The following SOX5 variants were observed in gnomAD, a reference collection of about 807,000 sequenced individuals.
SOX5 encodes SRY-box transcription factor 5.
In SOX5, 9 loss-of-function variants were observed where a neutral mutation model predicts 92.0. That is an observed-to-expected ratio of 0.10 (90% CI 0.06 to 0.17). The LOEUF (loss-of-function observed/expected upper bound fraction) is 0.17, where lower values mean the gene tolerates loss of function less well. SOX5 is among the 10% of genes least tolerant of loss of function. The probability of loss-of-function intolerance (pLI) is 1.00; values close to 1 mark genes in which losing one functional copy is unlikely to be tolerated. For synonymous variants in SOX5, 344 were observed against 336.3 expected (o/e 1.02, Z -0.25); for missense variants, 642 against 944.5 (o/e 0.68, Z 4.20).
At chr12:23,845,858 C>A (rs1230455372) in intron 3 of SOX5, 125 bp downstream of exon 3, 13 of 740,468 alleles carry the variant, frequency 1.8e-5, no homozygotes, top group Non-Finnish European at 3.0e-5. Context: ...GTCTTCATAG[C>A]AATAGGTTTC....
At chr12:23,687,135 A>G (rs1337798028) in intron 6 of SOX5, among the ~76,000 whole-genome samples, 1 of 152,098 alleles carries the variant, frequency 6.6e-6, no homozygotes, top group African/African-American at 2.4e-5. Context: ...TATTATAAAT[A>G]TGCACTAGTC....
intron 4 of SOX5, among the ~76,000 whole-genome samples, chr12:24,084,919 C>T (rs1943787087): frequency 6.6e-6 from 1 of 151,850 alleles, no homozygotes; most frequent in East Asian, 1.9e-4. Context: ...TAACAGAAAC[C>T]TTTAAGTGAT....
At chr12:24,496,109 A>T (rs986090185) in intron 1 of SOX5, among the ~76,000 whole-genome samples, 2 of 152,150 alleles carry the variant, frequency 1.3e-5, no homozygotes, top group Non-Finnish European at 2.9e-5. Context: ...TAGTCTCTAT[A>T]CTCCCCGATC....
chr12:24,129,517 A>T (rs942900729), intron 4 of SOX5, among the ~76,000 whole-genome samples: 9 of 152,146 alleles, frequency 5.9e-5, no homozygotes, highest in African/African-American at 1.7e-4. Context: ...AAAATTGTGC[A>T]GGGATGGATG....
At chr12:23,701,094 T>G (rs959836286) in intron 6 of SOX5, among the ~76,000 whole-genome samples, 1 of 152,002 alleles carries the variant, frequency 6.6e-6, no homozygotes, top group African/African-American at 2.4e-5. Context: ...CCTGAACCAA[T>G]AGATTTTTGA....
chr12:23,973,410 C>T (rs550935691), intron 4 of SOX5, among the ~76,000 whole-genome samples: 4 of 152,208 alleles, frequency 2.6e-5, no homozygotes, highest in African/African-American at 4.8e-5. Context: ...CCACCCACCT[C>T]GGCCTCCCAA....
intron 4 of SOX5, among the ~76,000 whole-genome samples, chr12:24,107,227 CA>C (rs1165035369): frequency 6.6e-6 from 1 of 152,082 alleles, no homozygotes; most frequent in Non-Finnish European, 1.5e-5. Context: ...CAAACACAAC[CA>C]AAATGTGAGT....
chr12:23,801,564 T>C (rs1289465670), intron 3 of SOX5, among the ~76,000 whole-genome samples: 1 of 152,192 alleles, frequency 6.6e-6, no homozygotes, highest in Non-Finnish European at 1.5e-5. Context: ...AGTAGCTTAA[T>C]GTAGTCAAAT....
chr12:24,038,576 T>C (rs1013460734), intron 4 of SOX5, among the ~76,000 whole-genome samples: 1 of 152,140 alleles, frequency 6.6e-6, no homozygotes, highest in African/African-American at 2.4e-5. Context: ...CTACTTAGCT[T>C]AGCATTTTTT....
rs912348483 is a variant in SOX5, at chr12:23,575,615, T to C, written c.1342+46A>G. On this transcript the variant is annotated intron_variant, in intron 10 of 14. Transcript: ENST00000451604. ...GCCATTTAAAGATGATTCCATTCAATAGCCATAAACAGAAAATCAGCAAGA... is the reference window on the plus strand; with the variant it reads ...GCCATTTAAAGATGATTCCATTCAACAGCCATAAACAGAAAATCAGCAAGA... 5 of 1,573,730 alleles carry C rather than the reference T, an allele frequency of 3.2e-6. No homozygotes were observed. In the South Asian group the frequency reaches 3.3e-5, roughly 10 times the overall value.
rs111287858 is a variant in SOX5 at position 24,461,565 on chromosome 12, C to G, written c.-250-92926G>C. On this transcript the variant is annotated intron_variant, in intron 1 of 4. Transcript: ENST00000446891. ...GAGGTAAAAACAACAACATTGTTAC[C>G]TGAAGATAACAATAGTCCTTTACCA... is the stretch of plus-strand genomic sequence containing the variant. Among the ~76,000 whole-genome samples, 237 of 152,264 alleles carry G rather than the reference C, an allele frequency of 1.6e-3. 2 individuals are homozygous for G. Among genetic ancestry groups the G allele is most frequent in the African/African-American group, 5.2e-3 (218 of 41,558 alleles).
intron 2 of SOX5, among the ~76,000 whole-genome samples, chr12:23,884,406 T>A (rs556995306): frequency 6.6e-6 from 1 of 152,178 alleles, no homozygotes; most frequent in Non-Finnish European, 1.5e-5. Flanking sequence ...ATGAAAGGTT[T>A]AACAAATAGC....
chr12:24,493,450 T>G (rs535460949), intron 1 of SOX5, among the ~76,000 whole-genome samples: 1 of 152,280 alleles, frequency 6.6e-6, no homozygotes, highest in South Asian at 2.1e-4. Context: ...GTTCATTAAT[T>G]GTAATGTAAT....
At chr12:24,176,204 C>G (rs1954790913) in intron 4 of SOX5, among the ~76,000 whole-genome samples, 2 of 152,038 alleles carry the variant, frequency 1.3e-5, no homozygotes, top group South Asian at 4.2e-4. Flanking sequence ...TGGTGCATGA[C>G]TGTAGTCTCT....
chr12:24,206,567 A>G (rs1057208741), intron 4 of SOX5, among the ~76,000 whole-genome samples: 7 of 151,422 alleles, frequency 4.6e-5, no homozygotes, highest in Non-Finnish European at 7.4e-5. Context: ...GAAACCCCCC[A>G]AAAAACATCA....
chr12:23,809,489 A>G (rs142278712), intron 3 of SOX5, among the ~76,000 whole-genome samples: 2,649 of 152,142 alleles, frequency 0.017, 36 homozygotes, highest in Admixed American at 0.024. Context: ...ATTATAAAGT[A>G]GCCCCAAATT....
At chr12:23,603,675 C>A (rs1460582344) in intron 9 of SOX5, among the ~76,000 whole-genome samples, 1 of 151,684 alleles carries the variant, frequency 6.6e-6, no homozygotes, top group African/African-American at 2.4e-5. Flanking sequence ...TTTTTCTCTC[C>A]TTCTAGGCCA....
chr12:24,109,232 A>T (rs1463361021), intron 4 of SOX5, among the ~76,000 whole-genome samples: 2 of 152,150 alleles, frequency 1.3e-5, no homozygotes, highest in African/African-American at 2.4e-5. Context: ...TTGCTTTAAC[A>T]AATCTAACTG....
At chr12:24,461,302 C>A (rs1397063753) in intron 1 of SOX5, among the ~76,000 whole-genome samples, 1 of 152,034 alleles carries the variant, frequency 6.6e-6, no homozygotes, top group African/African-American at 2.4e-5. Context: ...TAGTTTTGAA[C>A]ACAGTGAATT....
Sources: gnomAD v4.1 joint callset for allele counts (sites outside exome capture counted in the v4.1 genomes callset) on GRCh38, gnomAD v4.1.1 for gene constraint, MANE v1.5 for transcripts, NCBI Gene and HGNC (gene_info 2026-07-23, HGNC 2026-07-21) for gene names.